The following PDE1A variants were observed in gnomAD, a reference collection of about 807,000 sequenced individuals.
PDE1A encodes phosphodiesterase 1A.
A neutral mutation model predicts 61.7 loss-of-function variants in PDE1A; 35 were observed. That is an observed-to-expected ratio of 0.57 (90% CI 0.43 to 0.75). PDE1A has a LOEUF of 0.75. PDE1A is among the 30% of genes least tolerant of loss of function. The pLI, the probability that PDE1A is intolerant of heterozygous loss-of-function variation, is 0.00. For missense variants in PDE1A, 597 were observed against 630.6 expected (o/e 0.95, Z 0.57); for synonymous variants, 232 against 213.2 (o/e 1.09, Z -0.77).
In PDE1A at chr2:182,361,359, T is replaced by C. The variant is rs138191547; in HGVS notation, c.53+65219A>G. Among the ~76,000 whole-genome samples, 8 of 152,254 alleles carry C rather than the reference T, an allele frequency of 5.3e-5. No individual in the cohort carries two copies. The South Asian group carries it at 1.4e-3, about 28-fold the overall frequency. ...GTGATCTCTAAACACCTAAGTATCA[T>C]TTAAATATAAAGTATTTAATTGCAA... On this transcript the variant is annotated intron_variant, in intron 1 of 13. Transcript: ENST00000351439.
chr2:182,329,157 T>G (rs1697236664), intron 1 of PDE1A, among the ~76,000 whole-genome samples: 1 of 152,154 alleles, frequency 6.6e-6, no homozygotes, highest in Admixed American at 6.5e-5. Flanking sequence ...CCAGTAGGCA[T>G]AGTAAATGAT....
chr2:182,413,512 C>T (rs1702740468), intron 1 of PDE1A, among the ~76,000 whole-genome samples: 1 of 152,140 alleles, frequency 6.6e-6, no homozygotes, highest in Non-Finnish European at 1.5e-5. Flanking sequence ...AAATAACAGA[C>T]ATTTGAAATC....
At chr2:182,455,628 G>A (rs62188294) in intron 2 of PDE1A, among the ~76,000 whole-genome samples, 25,865 of 151,924 alleles carry the variant, frequency 0.17, 2,606 homozygotes, top group Middle Eastern at 0.36. Context: ...GAAACCGGAA[G>A]CCATCATTCT....
intron 2 of PDE1A, among the ~76,000 whole-genome samples, chr2:182,434,760 T>C (rs77705234): frequency 0.04 from 6,058 of 152,036 alleles, 448 homozygotes; most frequent in East Asian, 0.24. Context: ...GTTTTCTACC[T>C]CAGGGGAAAA....
chr2:182,455,558 C>T (rs1057296951), intron 2 of PDE1A, among the ~76,000 whole-genome samples: 1 of 152,114 alleles, frequency 6.6e-6, no homozygotes, highest in East Asian at 1.9e-4. Context: ...ACATATACAC[C>T]ATGGAACACT....
intron 1 of PDE1A, among the ~76,000 whole-genome samples, chr2:182,426,105 T>G (rs760816728): frequency 6.6e-6 from 1 of 152,170 alleles, no homozygotes; most frequent in Non-Finnish European, 1.5e-5. Flanking sequence ...TGGTCTGATA[T>G]TCCTGAGCGA....
intron 2 of PDE1A, among the ~76,000 whole-genome samples, chr2:182,262,970 TGTG>T (rs2125783419): frequency 6.6e-6 from 1 of 151,914 alleles, no homozygotes; most frequent in African/African-American, 2.4e-5. Context: ...TGTGTGTGTG[TGTG>T]TGTGTGTGTG....
At chr2:182,379,862 G>A (rs1398122885) in intron 1 of PDE1A, among the ~76,000 whole-genome samples, 1 of 152,088 alleles carries the variant, frequency 6.6e-6, no homozygotes, top group East Asian at 1.9e-4. Flanking sequence ...GGACTTGGAG[G>A]AGCCCCTTAC....
the PDE1A span, among the ~76,000 whole-genome samples, chr2:182,703,134 C>T: frequency 3.3e-5 from 5 of 152,024 alleles, no homozygotes; most frequent in Admixed American, 6.6e-5. Context: ...CTTTCAGGAG[C>T]GGGTATGGGT....
chr2:182,336,596 C>T (rs1055690473), intron 1 of PDE1A, among the ~76,000 whole-genome samples: 10 of 152,004 alleles, frequency 6.6e-5, no homozygotes, highest in Non-Finnish European at 1.2e-4. Flanking sequence ...AGGAGAGGAA[C>T]GTCACACACC....
chr2:182,163,884 C>T (rs1691514150), downstream of PDE1A, among the ~76,000 whole-genome samples: 1 of 152,146 alleles, frequency 6.6e-6, no homozygotes, highest in South Asian at 2.1e-4. Flanking sequence ...GTATCAGTGG[C>T]AGATAGGTAT....
chr2:182,212,023 T>TGCATTAGTATA (rs1274299256), intron 7 of PDE1A, among the ~76,000 whole-genome samples: 2 of 151,042 alleles, frequency 1.3e-5, no homozygotes, highest in Non-Finnish European at 2.9e-5. Flanking sequence ...GCATTAGTAT[T>TGCATTAGTATA]GCATACTTCC....
chr2:182,373,588 TTAAAG>T (rs1378057571), intron 1 of PDE1A, among the ~76,000 whole-genome samples: 1 of 152,206 alleles, frequency 6.6e-6, no homozygotes, highest in South Asian at 2.1e-4. Flanking sequence ...TAAAATTTCC[TTAAAG>T]TAAACATTCA....
chr2:182,596,883 A>G, the PDE1A span, among the ~76,000 whole-genome samples: 1 of 152,178 alleles, frequency 6.6e-6, no homozygotes, highest in Admixed American at 6.5e-5. Flanking sequence ...GCCAGGCGCA[A>G]TGGCTCATAC....
In PDE1A at chr2:182,200,626, T is replaced by C. The variant is rs73043805; in HGVS notation, c.1125+813A>G. Among the ~76,000 whole-genome samples the C allele has an allele frequency of 7.3e-3, 1,118 of 152,290 alleles. 11 individuals carry two copies. Among genetic ancestry groups the C allele is most frequent in the African/African-American group, 0.025 (1,021 of 41,556 alleles). On this transcript the variant is annotated intron_variant, in intron 10 of 13. Transcript: ENST00000351439. ...CTGGATTGTATTCTTTATAATAAAA[T>C]TGTAATTGTAAGGATAGCACTTTTG... is the stretch of plus-strand genomic sequence containing the variant.
At chr2:182,697,490 A>AG in the PDE1A span, among the ~76,000 whole-genome samples, 1 of 152,156 alleles carries the variant, frequency 6.6e-6, no homozygotes, top group Non-Finnish European at 1.5e-5. Context: ...GTCCTTCCCC[A>AG]GGGGAGGAGA....
chr2:182,489,456 G>C (rs1278072053), intron 2 of PDE1A, among the ~76,000 whole-genome samples: 4 of 152,364 alleles, frequency 2.6e-5, no homozygotes, highest in South Asian at 4.1e-4. Context: ...AGAGGTGGAA[G>C]AGTGGATTAG....
chr2:182,229,647 C>T (rs1689413542), intron 6 of PDE1A, among the ~76,000 whole-genome samples: 1 of 152,040 alleles, frequency 6.6e-6, no homozygotes, highest in Non-Finnish European at 1.5e-5. Context: ...GTTAGGAGCA[C>T]ATAAGGAATG....
intron 1 of PDE1A, among the ~76,000 whole-genome samples, chr2:182,375,657 T>C (rs1262379989): frequency 1.3e-5 from 2 of 152,186 alleles, no homozygotes; most frequent in East Asian, 3.9e-4. Flanking sequence ...ATGGTGGCCC[T>C]CTTCTCATAG....
Sources: gnomAD v4.1 joint callset for allele counts (sites outside exome capture counted in the v4.1 genomes callset) on GRCh38, gnomAD v4.1.1 for gene constraint, MANE v1.5 for transcripts, NCBI Gene and HGNC (gene_info 2026-07-23, HGNC 2026-07-21) for gene names.